HEATR1: variants seen among roughly 807,000 people sequenced by gnomAD.
The protein encoded by HEATR1 is HEAT repeat-containing protein 1.
Under a neutral mutation model 248.2 loss-of-function variants are expected in HEATR1, and 77 were observed. The observed-to-expected ratio is 0.31, with a 90% CI of 0.26 to 0.37. HEATR1 has a LOEUF of 0.37. HEATR1 is among the 10% of genes least tolerant of loss of function. The probability of loss-of-function intolerance (pLI) is 1.00; values close to 1 mark genes in which losing one functional copy is unlikely to be tolerated. For missense variants in HEATR1, 2,420 were observed against 2,504.9 expected, an observed-to-expected ratio of 0.97 and a Z score of 0.72; for synonymous variants, 897 against 923.1, an observed-to-expected ratio of 0.97 and a Z score of 0.51.
chr1:236,569,605 C>T (rs1663367884), intron 28 of HEATR1, among the ~76,000 whole-genome samples: 2 of 152,136 alleles, frequency 1.3e-5, no homozygotes, highest in African/African-American at 4.8e-5. Context: ...ACTTCACACC[C>T]ACTAGAATGG....
chr1:236,571,253 C>A, intron 28 of HEATR1, 98 bp downstream of exon 28: 2 of 1,400,134 alleles, frequency 1.4e-6, no homozygotes, highest in East Asian at 2.4e-5. Context: ...GATTCCAAAG[C>A]CTAATTGATT....
intron 20 of HEATR1, among the ~76,000 whole-genome samples, chr1:236,577,151 A>G (rs59868927): frequency 0.57 from 85,630 of 150,798 alleles, 26,037 homozygotes; most frequent in Non-Finnish European, 0.68. Context: ...ACACAAGAGC[A>G]TACTATAAAC....
chr1:236,592,819 T>C lies in HEATR1; in HGVS notation c.1194-186A>G, dbSNP rs1005520060. On this transcript the variant is annotated intron_variant, in intron 9 of 44. Coordinates refer to ENST00000366582, the MANE Select transcript of HEATR1 (RefSeq NM_018072.6). ...GTAGTGGTTCACACCACTGGCATTA[T>C]AATCCCAGCACTTTCGGAGGCCGGG... Among the ~76,000 whole-genome samples the C allele has an allele frequency of 5.9e-5, 9 of 152,346 alleles. No homozygotes were observed. The South Asian group carries it at 1.9e-3, about 32-fold the overall frequency.
At chr1:236,563,534 A>C (rs1030322608) in intron 32 of HEATR1, among the ~76,000 whole-genome samples, 8 of 152,096 alleles carry the variant, frequency 5.3e-5, no homozygotes, top group Non-Finnish European at 7.4e-5. Context: ...GGCCTCCCAA[A>C]GTGCTGGGAT....
rs1013283836 is a variant in HEATR1, at chr1:236,586,463, T to G, written c.1716-11A>C. 1 of 1,583,172 alleles carries G rather than the reference T, an allele frequency of 6.3e-7. No homozygotes were observed. The highest frequency in any genetic ancestry group is 1.3e-5 in the African/African-American group (1 of 74,110). ...TTAAGTACCTCGTACCTAAAAGACA[T>G]GCAAGCACACTTGGTTGAAAGACAC... On this transcript the variant is annotated splice_polypyrimidine_tract_variant and intron_variant, in intron 14 of 44. Coordinates refer to ENST00000366582, the MANE Select transcript of HEATR1 (RefSeq NM_018072.6).
intron 12 of HEATR1, among the ~76,000 whole-genome samples, chr1:236,589,493 C>CA (rs5781900): frequency 0.49 from 74,507 of 151,848 alleles, 21,949 homozygotes; most frequent in Non-Finnish European, 0.65. Context: ...TGACATAAAA[C>CA]AAAAATTTTT....
intron 29 of HEATR1, 89 bp from the exon 30 acceptor site, chr1:236,566,965 GC>G: frequency 1.2e-6 from 1 of 818,076 alleles, no homozygotes; most frequent in South Asian, 1.6e-5. Flanking sequence ...TTTTAGATGG[GC>G]CCCAAGAAAT....
At chr1:236,591,915 A>G (rs980581591) in intron 11 of HEATR1, 78 bp downstream of exon 11, 2 of 843,084 alleles carry the variant, frequency 2.4e-6, no homozygotes, top group Admixed American at 4.5e-5. Flanking sequence ...AAAAAGTGGC[A>G]AATTTCCTTC....
At position 236,566,656 on chromosome 1, in the gene HEATR1, T is replaced by A. The variant is rs653737; in HGVS notation, c.4298A>T (p.Tyr1433Phe). ...ACCCTAGGTTCTGACCTTTTCGCCA[T>A]AGGCAGCCGCCAGCACTGTTTTTGT... is the stretch of plus-strand genomic sequence containing the variant. Reference protein sequence around the residue: ...YVTKTVLAAAYGEKDAILEAD... With the variant: ...YVTKTVLAAAFGEKDAILEAD... Residue 1433 changes from tyrosine to phenylalanine, a missense_variant, in exon 30 of 45, where the codon TAT becomes TTT. Transcript: ENST00000366582. The A allele has an allele frequency of 1.2e-6, 2 of 1,612,798 alleles. No homozygotes were observed. Among genetic ancestry groups the A allele is most frequent in the Admixed American group, 3.3e-5 (2 of 59,986 alleles).
intron 41 of HEATR1, 33 bp from the exon 42 acceptor site, chr1:236,554,785 C>G: frequency 6.4e-7 from 1 of 1,569,962 alleles, no homozygotes; most frequent in Non-Finnish European, 8.6e-7. Flanking sequence ...AATGAAAAAA[C>G]ACTGAACTTA....
chr1:236,582,883 A>G lies in HEATR1; in HGVS notation c.2426-11T>C. On this transcript the variant is annotated splice_polypyrimidine_tract_variant and intron_variant, in intron 18 of 44. Coordinates refer to ENST00000366582, the MANE Select transcript of HEATR1 (RefSeq NM_018072.6). ...TCCACCATATATCACCTACAAGGAC[A>G]TGGAAAGAGAAATGATGCTAGATCC... 4 of 1,613,534 alleles carry G rather than the reference A, an allele frequency of 2.5e-6. No individual in the cohort carries two copies. The highest frequency in any genetic ancestry group is 3.4e-6 in the Non-Finnish European group (4 of 1,179,452).
In HEATR1 at chr1:236,592,017, A is replaced by G; in HGVS notation, c.1398T>C (p.Leu466=). 6.2e-7 allele frequency: 1 copy of G among 1,601,470 alleles called. No homozygotes were observed. The highest frequency in any genetic ancestry group is 8.5e-7 in the Non-Finnish European group (1 of 1,170,212). ...CCTGATACTTTCCTCCACTTGTAGAAAGAGAAACAAACTGATGGAAAAGCT... is the reference window on the plus strand; with the variant it reads ...CCTGATACTTTCCTCCACTTGTAGAGAGAGAAACAAACTGATGGAAAAGCT... ...KQELFHQFVS[L]STSGGKYQFL... is the part of the protein sequence containing the mutation. Residue 466 remains leucine, a synonymous_variant, in exon 11 of 45, where the codon CTT becomes CTC. Transcript: ENST00000366582.
chr1:236,593,078 C>T (rs1042703442), intron 9 of HEATR1, among the ~76,000 whole-genome samples: 2 of 152,150 alleles, frequency 1.3e-5, no homozygotes, highest in Non-Finnish European at 2.9e-5. Flanking sequence ...CCTGTAATCC[C>T]AGCTACCAGG....
At chr1:236,553,551 A>C (rs1662846906) in intron 43 of HEATR1, 30 bp downstream of exon 43, 1 of 1,602,632 alleles carries the variant, frequency 6.2e-7, no homozygotes, top group Non-Finnish European at 8.5e-7. Context: ...GAAAAGATGC[A>C]GTTTCAGTAC....
rs1663430928 is a variant in HEATR1, at chr1:236,571,662, C to T, written c.3732G>A (p.Glu1244=). 1.9e-6 allele frequency: 3 copies of T among 1,613,538 alleles called. No individual in the cohort carries two copies. The highest frequency in any genetic ancestry group is 1.7e-4 in the Middle Eastern group (1 of 6,060). The part of the protein sequence containing the change: ...LSRCLEPLPQ[E]QGNMEYTKQL... ...GTTTGGTGTATTCCATATTTCCCTG[C>T]TCTTGTGGCAAGGGTTCTAAACATC... Residue 1244 remains glutamate, a synonymous_variant, in exon 27 of 45, where the codon GAG becomes GAA. Coordinates refer to ENST00000366582, the MANE Select transcript of HEATR1 (RefSeq NM_018072.6).
Position 236,595,903 on chromosome 1 carries a change from A to G in HEATR1, c.886T>C (p.Leu296=). ...IIKTLTKIPS[L]IKDGLSCLIV... ...AAGCAACTTAACCCATCCTTGATCA[A>G]AGAGGGAATCTTGGTCAATGTTTTG... The change falls in exon 7 of 45, where the codon TTG becomes CTG. Residue 296 remains leucine, a synonymous_variant. Transcript: ENST00000366582. 2 of 1,614,130 alleles carry G rather than the reference A, an allele frequency of 1.2e-6. No individual in the cohort carries two copies. Among genetic ancestry groups the G allele is most frequent in the Non-Finnish European group, 1.7e-6 (2 of 1,179,972 alleles).
chr1:236,566,706 G>A lies in HEATR1; in HGVS notation c.4248C>T (p.Leu1416=), dbSNP rs756789283. Residue 1416 remains leucine (L), a synonymous_variant, in exon 30 of 45, where the codon CTC becomes CTT. Coordinates refer to ENST00000366582, the MANE Select transcript of HEATR1 (RefSeq NM_018072.6). ...LGAEKFLWIL[L]ILLFEQYVTK... is the part of the protein sequence containing the mutation. ...TGACATACTGTTCAAAAAGCAAGAT[G>A]AGGAGAATCCAGAGGAATTTCTCTG... is the stretch of plus-strand genomic sequence containing the variant. The A allele has an allele frequency of 1.9e-6, 3 of 1,614,012 alleles. No homozygotes were observed. In the African/African-American group the frequency reaches 4.0e-5, roughly 22 times the overall value.
At chr1:236,579,903 A>G (rs1435235729) in intron 20 of HEATR1, among the ~76,000 whole-genome samples, 2 of 151,190 alleles carry the variant, frequency 1.3e-5, no homozygotes, top group East Asian at 3.9e-4. Context: ...TTCACAGAAC[A>G]TTTACAAAGA....
chr1:236,566,945 A>C, intron 29 of HEATR1, 69 bp from the exon 30 acceptor site: 4 of 1,007,882 alleles, frequency 4.0e-6, no homozygotes, highest in Non-Finnish European at 6.1e-6. Context: ...TTAGGTGAAC[A>C]AGATAAGGCT....
Sources: allele counts gnomAD v4.1 joint callset (sites outside exome capture counted in the v4.1 genomes callset), GRCh38; gene constraint gnomAD v4.1.1; transcripts MANE v1.5; gene names NCBI Gene and HGNC (gene_info 2026-07-23, HGNC 2026-07-21).